Variants in ARMC6 observed in about 807,000 individuals in gnomAD.
ARMC6 encodes armadillo repeat-containing protein 6.
ARMC6 carries 43 observed loss-of-function variants against 49.2 expected under a neutral mutation model. That is an observed-to-expected ratio of 0.87 (90% CI 0.69 to 1.13). The LOEUF (loss-of-function observed/expected upper bound fraction) is 1.13. Among genes scored for constraint, ARMC6 ranks in the 50% most tolerant of loss-of-function variants. ARMC6 has a pLI of 0.00. For missense variants in ARMC6, 627 were observed against 682.0 expected (o/e 0.92, Z 0.90); for synonymous variants, 262 against 289.6 (o/e 0.90, Z 0.97).
rs1254947760 is a variant in ARMC6 at position 19,055,641 on chromosome 19, T to C, written c.1156-150T>C. 4.9e-6 allele frequency: 6 copies of C among 1,235,308 alleles called. No homozygotes were observed. The highest frequency in any genetic ancestry group is 1.5e-5 in the South Asian group (1 of 64,894). The allele number at this position is 1,235,308 out of a possible 1,614,324, so 76.5% of individuals were successfully genotyped here. A position where few individuals can be genotyped will look rare whatever the true frequency, so the allele number is the denominator to read the frequency against. On this transcript the variant is annotated intron_variant, in intron 7 of 8. Coordinates refer to ENST00000535612, the MANE Select transcript of ARMC6 (RefSeq NM_001199196.2). The surrounding 1 kb of genome is among the most constrained non-coding windows in gnomAD (Gnocchi z 5.7). The stretch of plus-strand genomic sequence containing the variant: ...GTCACCCCTAAGAGCTGAGCTGATA[T>C]TTTTGTCACCCTGCCATTATTACAC...
At chr19:19,047,288 C>G (rs564548903) in intron 4 of ARMC6, among the ~76,000 whole-genome samples, 1 of 152,262 alleles carries the variant, frequency 6.6e-6, no homozygotes, top group African/African-American at 2.4e-5. Context: ...AACCAACCCC[C>G]TTCTCAAATG....
intron 8 of ARMC6, 131 bp from the exon 9 acceptor site, chr19:19,057,285 C>G (rs1379348057): frequency 2.8e-6 from 2 of 723,040 alleles, no homozygotes; most frequent in Non-Finnish European, 4.6e-6. Flanking sequence ...TAGCTTGATA[C>G]AGTATAGGCA....
chr19:19,050,956 T>C (rs1193546455), intron 4 of ARMC6, among the ~76,000 whole-genome samples: 1 of 152,224 alleles, frequency 6.6e-6, no homozygotes, highest in Non-Finnish European at 1.5e-5. Flanking sequence ...GCTAAACTTA[T>C]CTGAGTTGTT....
intron 2 of ARMC6, among the ~76,000 whole-genome samples, chr19:19,038,172 A>G (rs2059385081): frequency 6.6e-6 from 1 of 152,206 alleles, no homozygotes; most frequent in African/African-American, 2.4e-5. Flanking sequence ...GGGACTGTCT[A>G]GTTGCCAGAC....
intron 4 of ARMC6, among the ~76,000 whole-genome samples, chr19:19,047,565 A>T (rs1485495500): frequency 6.6e-6 from 1 of 152,192 alleles, no homozygotes; most frequent in African/African-American, 2.4e-5. Flanking sequence ...TGACTCCAGG[A>T]GTCAATGGGT....
chr19:19,055,170 T>G lies in ARMC6; in HGVS notation c.1024-95T>G. The G allele has an allele frequency of 6.8e-7, 1 of 1,462,366 alleles. No individual in the cohort carries two copies. The highest frequency in any genetic ancestry group is 9.1e-7 in the Non-Finnish European group (1 of 1,101,152). 90.6% of individuals were successfully genotyped at this position (1,462,366 alleles called of 1,614,324 possible). A position where few individuals can be genotyped will look rare whatever the true frequency, so the allele number is the denominator to read the frequency against. On this transcript the variant is annotated intron_variant, in intron 6 of 8. Coordinates refer to ENST00000535612, the MANE Select transcript of ARMC6 (RefSeq NM_001199196.2). This position sits in a 1 kb window ranked among gnomAD's most constrained non-coding sequence, Gnocchi z 5.7. The stretch of plus-strand genomic sequence containing the variant: ...CACCCTGCAGTCACACCATACCTGT[T>G]GGTCAAACAGCAAAACAGCCCCACA...
intron 2 of ARMC6, chr19:19,040,684 T>A (rs970583137): frequency 2.9e-6 from 1 of 342,728 alleles, no homozygotes; most frequent in African/African-American, 2.3e-5. Flanking sequence ...ATCGTCTGAC[T>A]GTCAGCCAGG....
Position 19,044,018 on chromosome 19 carries a change from A to G in ARMC6, c.223A>G (p.Thr75Ala). Residue 75 changes from threonine to alanine, a missense_variant, in exon 4 of 9, where the codon ACG becomes GCG. Transcript: ENST00000535612. The stretch of plus-strand genomic sequence containing the variant: ...GGTTGATCTGAGCAACATTGTAAAG[A>G]CGGCACCTAAAGTCTCTGCAGACGG... Reference protein sequence around the residue: ...QGVDLSNIVKTAPKVSADGSQ... With the variant: ...QGVDLSNIVKAAPKVSADGSQ... The G allele has an allele frequency of 6.2e-7, 1 of 1,614,078 alleles. No homozygotes were observed. Among genetic ancestry groups the G allele is most frequent in the Non-Finnish European group, 8.5e-7 (1 of 1,179,976 alleles).
chr19:19,052,526 G>C (rs765071458), intron 5 of ARMC6, among the ~76,000 whole-genome samples: 3 of 152,206 alleles, frequency 2.0e-5, no homozygotes, highest in South Asian at 2.1e-4. Context: ...GAGGACTCGG[G>C]GGGGCTGGCT....
intron 4 of ARMC6, among the ~76,000 whole-genome samples, chr19:19,050,265 G>C (rs989164071): frequency 2.0e-5 from 3 of 152,174 alleles, no homozygotes; most frequent in African/African-American, 7.2e-5. Context: ...CCAACCTCTT[G>C]GCTCTGATGA....
chr19:19,051,375 CTGTGTGTGTGTGTGTG>C (rs35164662), intron 4 of ARMC6, among the ~76,000 whole-genome samples: 25 of 139,756 alleles, frequency 1.8e-4, no homozygotes, highest in South Asian at 2.3e-4. Context: ...CTCTCTCTCT[CTGTGTGTGTGTGTGTG>C]TGTGTGTGTG....
rs926830056 is a variant in ARMC6, at chr19:19,042,781, G to A, written c.100G>A (p.Glu34Lys). The A allele has an allele frequency of 5.6e-6, 9 of 1,613,872 alleles. No individual in the cohort carries two copies. The South Asian group carries it at 6.6e-5, about 12-fold the overall frequency. ...GATGGTCTCCAAGCGCATTGCCCAG[G>A]AGACCTTTGATGCAGCTGTGCGCGA... Reference protein sequence around the residue: ...AKMVSKRIAQETFDAAVRENI... With the variant: ...AKMVSKRIAQKTFDAAVRENI... The change falls in exon 3 of 9, where the codon GAG (glutamate) becomes AAG (lysine). Residue 34 changes from glutamate (E) to lysine (K), a missense_variant. Transcript: ENST00000535612.
chr19:19,037,909 C>T (rs1387906837), intron 2 of ARMC6, among the ~76,000 whole-genome samples: 2 of 152,138 alleles, frequency 1.3e-5, no homozygotes, highest in African/African-American at 2.4e-5. Context: ...GTCCAGTGGT[C>T]CCTGGCCTGT....
rs1452223401 is a variant in ARMC6, at chr19:19,055,716, G to T, written c.1156-75G>T. 1.3e-6 allele frequency: 2 copies of T among 1,505,934 alleles called. No individual in the cohort carries two copies. Among genetic ancestry groups the T allele is most frequent in the East Asian group, 4.6e-5 (2 of 43,312 alleles). 93.3% of individuals were successfully genotyped at this position (1,505,934 alleles called of 1,614,324 possible). On this transcript the variant is annotated intron_variant, in intron 7 of 8. Transcript: ENST00000535612. The surrounding 1 kb of genome is among the most constrained non-coding windows in gnomAD (Gnocchi z 5.7). ...GGGAGGCCGCAGGGTGTTCACCAGG[G>T]GTTGGTGGCCATGGCAGGATGTTGT...
rs759668668 is a variant in ARMC6, at chr19:19,057,666, G to A, written c.*38G>A. 7.0e-6 allele frequency: 11 copies of A among 1,576,534 alleles called. No homozygotes were observed. The highest frequency in any genetic ancestry group is 1.1e-5 in the South Asian group (1 of 90,436). On this transcript the variant is annotated 3_prime_UTR_variant, in exon 9 of 9. Transcript: ENST00000535612. ...TCTGGGCCGTGACTCTGGGTGAGTC[G>A]TGTGACTCAGGAATGGGGGTAGATC...
At chr19:19,054,401 G>C in intron 6 of ARMC6, 80 bp downstream of exon 6, 1 of 1,342,358 alleles carries the variant, frequency 7.4e-7, no homozygotes. Flanking sequence ...GAACAAGCCA[G>C]CCCTGCCTGC....
In ARMC6 at chr19:19,043,983, C is replaced by G; in HGVS notation, c.197-9C>G. On this transcript the variant is annotated splice_polypyrimidine_tract_variant and intron_variant, in intron 3 of 8. Transcript: ENST00000535612. ...ACCCCTGTGTGCTTGCTTCCCCCAC[C>G]CCCAACAGGGGTTGATCTGAGCAAC... 6.2e-7 allele frequency: 1 copy of G among 1,613,720 alleles called. No individual in the cohort carries two copies. The highest frequency in any genetic ancestry group is 1.3e-5 in the African/African-American group (1 of 75,020).
At chr19:19,038,832 C>A (rs1294729767) in intron 2 of ARMC6, among the ~76,000 whole-genome samples, 1 of 152,028 alleles carries the variant, frequency 6.6e-6, no homozygotes, top group Non-Finnish European at 1.5e-5. Context: ...GCTGGTATTA[C>A]AGGCATGAGC....
In ARMC6 at chr19:19,033,799, G is replaced by C; in HGVS notation, c.-211G>C. On this transcript the variant is annotated 5_prime_UTR_variant, in exon 1 of 9. Transcript: ENST00000535612. ...TCGTCCTTGGTTATCGTGAGCGTCC[G>C]CGAGTCTCTGGGAGGCCAAGCCTAG... 4.0e-6 allele frequency: 1 copy of C among 248,392 alleles called. No homozygotes were observed. Among genetic ancestry groups the C allele is most frequent in the Non-Finnish European group, 7.7e-6 (1 of 129,564 alleles). 15.4% of individuals were successfully genotyped at this position (248,392 alleles called of 1,614,324 possible).
Sources: allele counts gnomAD v4.1 joint callset (sites outside exome capture counted in the v4.1 genomes callset), GRCh38; gene constraint gnomAD v4.1.1; non-coding constraint Gnocchi (gnomAD v3.1); transcripts MANE v1.5; gene names NCBI Gene and HGNC (gene_info 2026-07-23, HGNC 2026-07-21).